Variants in SYF2 observed in about 807,000 individuals in gnomAD.
The protein encoded by SYF2 is SYF2 pre-mRNA splicing factor, also known as pre-mRNA-splicing factor SYF2.
SYF2 carries 21 observed loss-of-function variants against 32.7 expected under a neutral mutation model. The ratio of observed to expected loss-of-function variants is 0.64; its 90% CI spans 0.45 to 0.92. The LOEUF (loss-of-function observed/expected upper bound fraction) is 0.92. Ranked by LOEUF, SYF2 falls within the 40% of genes least tolerant of loss-of-function variation. The pLI is 0.00. For synonymous variants in SYF2, 114 were observed against 103.9 expected, an observed-to-expected ratio of 1.10 and a Z score of -0.59; for missense variants, 278 against 296.5, an observed-to-expected ratio of 0.94 and a Z score of 0.46.
chr1:25,224,463 G>A (rs886491728), intron 6 of SYF2, among the ~76,000 whole-genome samples: 3 of 152,058 alleles, frequency 2.0e-5, no homozygotes, highest in Non-Finnish European at 2.9e-5. Context: ...TTGCCATGTT[G>A]CCCAGGCTGT....
chr1:25,227,682 ATCTT>A (rs1638540428), intron 4 of SYF2, 150 bp from the exon 5 acceptor site: 2 of 667,020 alleles, frequency 3.0e-6, no homozygotes, highest in Non-Finnish European at 4.9e-6. Context: ...ATTTTGGAAT[ATCTT>A]TATTATACTT....
rs1638643356 is a variant in SYF2, at chr1:25,232,142, G to C, written c.94C>G (p.Gln32Glu). Residue 32 changes from glutamine to glutamate, a missense_variant, in exon 2 of 7, where the codon CAG (glutamine) becomes GAG (glutamate). Physicochemically the swap from Gln to Glu is conservative, Grantham distance 29. Transcript: ENST00000236273. ...AAELAAQKRE[Q>E]RLRKFRELHL... ...AGCTCCCGGAATTTGCGCAGTCTCT[G>C]TTCGCGCTTCTGAGCGGCCAGCTCC... 2 of 1,614,068 alleles carry C rather than the reference G, an allele frequency of 1.2e-6. No individual in the cohort carries two copies. The highest frequency in any genetic ancestry group is 2.7e-5 in the African/African-American group (2 of 75,048).
intron 4 of SYF2, 91 bp from the exon 5 acceptor site, chr1:25,227,623 T>C (rs1638539403): frequency 2.6e-6 from 3 of 1,155,894 alleles, no homozygotes; most frequent in Admixed American, 4.8e-5. Context: ...CAGGTGAGTA[T>C]CTTTTATCCA....
At chr1:25,226,975 C>T (rs1638524716) in intron 5 of SYF2, among the ~76,000 whole-genome samples, 4 of 150,696 alleles carry the variant, frequency 2.7e-5, no homozygotes, top group Admixed American at 1.3e-4. Flanking sequence ...AGCGAGACAC[C>T]GTCTCTTAAA....
In SYF2 at chr1:25,222,840, T is replaced by C. The variant is rs964254362; in HGVS notation, c.*426A>G. On this transcript the variant is annotated 3_prime_UTR_variant, in exon 7 of 7. Transcript: ENST00000236273. ...TGGCCACTGCCATCTTCCTCATCAC[T>C]GTCCTTAGCTTTGGAGTACACAACT... is the stretch of plus-strand genomic sequence containing the variant. 3.2e-5 allele frequency: 5 copies of C among 154,964 alleles called. No homozygotes were observed. Among genetic ancestry groups the C allele is most frequent in the African/African-American group, 1.2e-4 (5 of 41,474 alleles). The allele number at this position is 154,964 out of a possible 1,614,324, so 9.6% of individuals were successfully genotyped here. A position where few individuals can be genotyped will look rare whatever the true frequency, so the allele number is the denominator to read the frequency against.
chr1:25,225,233 A>T (rs555309355), intron 5 of SYF2, 133 bp from the exon 6 acceptor site: 33 of 645,314 alleles, frequency 5.1e-5, no homozygotes, highest in Admixed American at 1.1e-4. Context: ...ATTTTTTTTT[A>T]AAAAAACATA....
chr1:25,223,305 A>T lies in SYF2; in HGVS notation c.693T>A (p.Ala231=). 6.2e-7 allele frequency: 1 copy of T among 1,613,754 alleles called. No homozygotes were observed. ...CTCTTTCCAAATTCTGTTTAATTTC[A>T]GCTGTGTATTTCCCATAGAATCTTT... ...KAERFYGKYT[A]EIKQNLERGT... Residue 231 remains alanine (A), a synonymous_variant, in exon 7 of 7, where the codon GCT becomes GCA. Coordinates refer to ENST00000236273, the MANE Select transcript of SYF2 (RefSeq NM_015484.5).
intron 6 of SYF2, among the ~76,000 whole-genome samples, chr1:25,223,840 C>T (rs964017364): frequency 2.0e-5 from 3 of 152,058 alleles, no homozygotes; most frequent in African/African-American, 7.2e-5. Context: ...CATAGGAAGA[C>T]TCCATCACTA....
At position 25,229,070 on chromosome 1, in the gene SYF2, T is replaced by C; in HGVS notation, c.186A>G (p.Leu62=). The C allele has an allele frequency of 1.9e-6, 3 of 1,614,096 alleles. No individual in the cohort carries two copies. The highest frequency in any genetic ancestry group is 2.5e-6 in the Non-Finnish European group (3 of 1,179,956). ...HQEVVEEDKR[L]KLPANWEAKK... ...TGGCTTCCCAATTTGCAGGTAATTT[T>C]AGTCTTTTATCTTCTTCCACAACTT... Residue 62 remains leucine, a synonymous_variant, in exon 3 of 7, where the codon CTA becomes CTG. Coordinates refer to ENST00000236273, the MANE Select transcript of SYF2 (RefSeq NM_015484.5).
At chr1:25,232,292 C>A in intron 1 of SYF2, 81 bp from the exon 2 acceptor site, 2 of 1,581,408 alleles carry the variant, frequency 1.3e-6, no homozygotes, top group East Asian at 2.3e-5. Context: ...CGCCGGTCCC[C>A]ACAGGCTGGG....
Position 25,223,243 on chromosome 1 carries a change from T to C in SYF2, c.*23A>G, listed in dbSNP as rs754600999. On this transcript the variant is annotated 3_prime_UTR_variant, in exon 7 of 7. Transcript: ENST00000236273. ...GAAATTTTTACCCCATTCTCAAGCT[T>C]CTATAAACAGTTCTTGAAGGGATTA... The C allele has an allele frequency of 6.3e-7, 1 of 1,588,474 alleles. No individual in the cohort carries two copies. Among genetic ancestry groups the C allele is most frequent in the Non-Finnish European group, 8.5e-7 (1 of 1,169,630 alleles).
In SYF2 at chr1:25,225,032, A is replaced by T; in HGVS notation, c.536T>A (p.Ile179Asn). Residue 179 changes from isoleucine to asparagine, a missense_variant, in exon 6 of 7, where the codon ATT (isoleucine) becomes AAT (asparagine). Coordinates refer to ENST00000236273, the MANE Select transcript of SYF2 (RefSeq NM_015484.5). Reference sequence around the variant, plus strand: ...TTCCAGATCTATGACCATCCTGTCAATTTCCTCTGTGGAAGGCACATGTGT... The same window carrying T: ...TTCCAGATCTATGACCATCCTGTCATTTTCCTCTGTGGAAGGCACATGTGT... ...HGTHVPSTEEIDRMVIDLEKQ... is the reference protein window; with the variant it reads ...HGTHVPSTEENDRMVIDLEKQ... 1 of 1,614,046 alleles carries T rather than the reference A, an allele frequency of 6.2e-7. No individual in the cohort carries two copies. The highest frequency in any genetic ancestry group is 8.5e-7 in the Non-Finnish European group (1 of 1,179,924).
intron 3 of SYF2, among the ~76,000 whole-genome samples, chr1:25,228,538 T>G (rs1638563141): frequency 6.6e-6 from 1 of 152,200 alleles, no homozygotes; most frequent in African/African-American, 2.4e-5. Context: ...TTTCACCATG[T>G]TGGCCATGCT....
intron 6 of SYF2, 129 bp from the exon 7 acceptor site, chr1:25,223,560 A>G (rs1018271121): frequency 1.2e-6 from 1 of 854,556 alleles, no homozygotes; most frequent in Non-Finnish European, 1.8e-6. Context: ...AAGCCAGGAG[A>G]GTTTTCATCA....
In SYF2 at chr1:25,228,940, GT is replaced by G. The variant is rs775059491; in HGVS notation, c.258+57del. ...GTGTATACAACCACCATGTTGTAGT[GT>G]CTTGATACAACAGAATGATTGACTA... On this transcript the variant is annotated intron_variant, in intron 3 of 6. Transcript: ENST00000236273. 5.9e-5 allele frequency: 93 copies of G among 1,576,614 alleles called. No individual in the cohort carries two copies. The South Asian group carries it at 6.6e-4, about 11-fold the overall frequency.
At chr1:25,227,837 A>G (rs1638543392) in intron 4 of SYF2, among the ~76,000 whole-genome samples, 1 of 152,224 alleles carries the variant, frequency 6.6e-6, no homozygotes, top group South Asian at 2.1e-4. Flanking sequence ...GTGAAGTAAT[A>G]TATGCCCATA....
At chr1:25,226,890 AG>A (rs560578893) in intron 5 of SYF2, among the ~76,000 whole-genome samples, 2 of 151,926 alleles carry the variant, frequency 1.3e-5, no homozygotes, top group Non-Finnish European at 2.9e-5. Context: ...CTGATGTGGG[AG>A]GATCCCTTGA....
At position 25,225,189 on chromosome 1, in the gene SYF2, T is replaced by G. The variant is rs539608629; in HGVS notation, c.468-89A>C. The G allele has an allele frequency of 5.9e-6, 5 of 851,452 alleles. No individual in the cohort carries two copies. In the East Asian group the frequency reaches 1.2e-4, roughly 21 times the overall value. 52.7% of individuals were successfully genotyped at this position (851,452 alleles called of 1,614,324 possible). On this transcript the variant is annotated intron_variant, in intron 5 of 6. Coordinates refer to ENST00000236273, the MANE Select transcript of SYF2 (RefSeq NM_015484.5). ...TAAAGTACCATACATGATAAGAAAG[T>G]ATACACATACATTTACTGTGAGATC... is the stretch of plus-strand genomic sequence containing the variant.
intron 5 of SYF2, among the ~76,000 whole-genome samples, chr1:25,226,288 A>G (rs1638508658): frequency 6.6e-6 from 1 of 152,246 alleles, no homozygotes; most frequent in Admixed American, 6.5e-5. Context: ...CAGAGGTCAC[A>G]AAGTGCTAGG....
Sources: allele counts gnomAD v4.1 joint callset (sites outside exome capture counted in the v4.1 genomes callset), GRCh38; gene constraint gnomAD v4.1.1; transcripts MANE v1.5; gene names NCBI Gene and HGNC (gene_info 2026-07-23, HGNC 2026-07-21).